The following NPAT variants were observed in gnomAD, a reference collection of about 807,000 sequenced individuals.
NPAT encodes the protein protein NPAT.
NPAT carries 52 observed loss-of-function variants against 130.7 expected under a neutral mutation model. The observed-to-expected ratio is 0.40, with a 90% confidence interval of 0.32 to 0.50. The LOEUF is 0.50. Ranked by LOEUF, NPAT falls within the 20% of genes least tolerant of loss-of-function variation. The probability of loss-of-function intolerance (pLI) is 0.68; values close to 1 mark genes in which losing one functional copy is unlikely to be tolerated. For missense variants in NPAT, 1,687 were observed against 1,662.6 expected, an observed-to-expected ratio of 1.01 and a Z score of -0.26; for synonymous variants, 580 against 584.8, an observed-to-expected ratio of 0.99 and a Z score of 0.12.
chr11:108,188,463 G>A (rs1430478519), intron 6 of NPAT, among the ~76,000 whole-genome samples: 1 of 152,210 alleles, frequency 6.6e-6, no homozygotes, highest in Non-Finnish European at 1.5e-5. Flanking sequence ...CATTCTGGGT[G>A]TAGAAAAGGA....
Position 108,172,584 on chromosome 11 carries a change from T to G in NPAT, c.2400A>C (p.Val800=), listed in dbSNP as rs764476963. The part of the protein sequence containing the change: ...LSSEETVGAV[V]YAEVGDSASM... ...AGGCTGAATCCCCTACTTCGGCATA[T>G]ACAACAGCACCTACAGTTTCTTCTG... Residue 800 remains valine, a synonymous_variant, in exon 13 of 18, where the codon GTA becomes GTC. Transcript: ENST00000278612. 9.3e-6 allele frequency: 15 copies of G among 1,614,110 alleles called. No individual in the cohort carries two copies.
chr11:108,201,511 C>T (rs1460349812), intron 1 of NPAT, among the ~76,000 whole-genome samples: 1 of 152,126 alleles, frequency 6.6e-6, no homozygotes, highest in Non-Finnish European at 1.5e-5. Flanking sequence ...AAAGGAATGG[C>T]CCAGGGAGTT....
Position 108,222,481 on chromosome 11 carries a change from ATCCCGCG to A in NPAT, c.37+12_37+18del. On this transcript the variant is annotated intron_variant, in intron 1 of 17. Transcript: ENST00000278612. ...GCATAGCCGGGTCCAATAACCCTCC[ATCCCGCG>A]TCCGCGCTTACCCAATACAAGCCGG... is the stretch of plus-strand genomic sequence containing the variant. 6 of 1,612,360 alleles carry A rather than the reference ATCCCGCG, an allele frequency of 3.7e-6. No homozygotes were observed. Among genetic ancestry groups the A allele is most frequent in the African/African-American group, 1.3e-5 (1 of 74,924 alleles).
chr11:108,190,407 T>C, intron 5 of NPAT, 53 bp downstream of exon 5: 2 of 1,351,936 alleles, frequency 1.5e-6, no homozygotes, highest in Admixed American at 3.4e-5. Flanking sequence ...AATGTTCATC[T>C]GATAGTTTAA....
chr11:108,222,244 G>A (rs1290885684), intron 1 of NPAT, among the ~76,000 whole-genome samples: 1 of 152,084 alleles, frequency 6.6e-6, no homozygotes, highest in African/African-American at 2.4e-5. Context: ...TTCCGAATCC[G>A]CCCCAGGTGT....
chr11:108,204,555 AAC>A (rs1565325857), intron 1 of NPAT, among the ~76,000 whole-genome samples: 2 of 152,020 alleles, frequency 1.3e-5, no homozygotes, highest in Non-Finnish European at 2.9e-5. Flanking sequence ...GAACCTGCCG[AAC>A]CTGCCGAACC....
intron 12 of NPAT, 132 bp downstream of exon 12, chr11:108,176,114 A>G (rs2078003177): frequency 1.4e-6 from 1 of 692,248 alleles, no homozygotes; most frequent in Admixed American, 2.8e-5. Context: ...TGTTTTTAAC[A>G]GAGAGAAAAA....
intron 7 of NPAT, 49 bp downstream of exon 7, chr11:108,188,049 T>TA: frequency 7.6e-7 from 1 of 1,316,082 alleles, no homozygotes; most frequent in Non-Finnish European, 1.1e-6. Flanking sequence ...ATTCTTTTTT[T>TA]TTTTTTTTAA....
intron 12 of NPAT, among the ~76,000 whole-genome samples, chr11:108,174,597 G>A (rs2077986505): frequency 1.4e-5 from 2 of 145,568 alleles, no homozygotes; most frequent in Non-Finnish European, 1.5e-5. Context: ...TATGATATGA[G>A]TAAGGAAAGA....
At chr11:108,217,375 T>A (rs746304181) in intron 1 of NPAT, among the ~76,000 whole-genome samples, 7 of 152,170 alleles carry the variant, frequency 4.6e-5, no homozygotes, top group Non-Finnish European at 7.3e-5. Context: ...TGTTTAATAT[T>A]AGAAGTGTTT....
chr11:108,211,493 T>C (rs1411472564), intron 1 of NPAT, among the ~76,000 whole-genome samples: 1 of 149,866 alleles, frequency 6.7e-6, no homozygotes, highest in African/African-American at 2.5e-5. Context: ...CAGTGAGCCA[T>C]GATTGGGCCA....
chr11:108,190,437 A>T, intron 5 of NPAT, 23 bp downstream of exon 5: 1 of 1,600,276 alleles, frequency 6.2e-7, no homozygotes, highest in Non-Finnish European at 8.6e-7. Context: ...AATTGTGAAC[A>T]TTGTTTAAAG....
At position 108,181,216 on chromosome 11, in the gene NPAT, C is replaced by A. The variant is rs532449518; in HGVS notation, c.906+4016G>T. On this transcript the variant is annotated intron_variant, in intron 10 of 17. Coordinates refer to ENST00000278612, the MANE Select transcript of NPAT (RefSeq NM_002519.3). ...TGGTGGCTCACACCTGTAATCCCAG[C>A]ACTTTGGGAGGCCGAGGCGGGCAGA... Among the ~76,000 whole-genome samples the A allele has an allele frequency of 1.2e-4, 18 of 152,320 alleles. No homozygotes were observed. The East Asian group carries it at 3.5e-3, about 29-fold the overall frequency.
chr11:108,216,095 C>A (rs868020529), intron 1 of NPAT, among the ~76,000 whole-genome samples: 3,288 of 152,248 alleles, frequency 0.022, 121 homozygotes, highest in African/African-American at 0.075. Context: ...TTTAAAACTT[C>A]TACAGACTAT....
At chr11:108,160,845 AG>A in intron 17 of NPAT, 34 bp downstream of exon 17, 1 of 1,575,416 alleles carries the variant, frequency 6.3e-7, no homozygotes, top group East Asian at 2.3e-5. Flanking sequence ...CGGAAAAAAA[AG>A]GTGTGGTTTT....
rs1263848823 is a variant in NPAT, at chr11:108,173,769, A to G, written c.1215T>C (p.His405=). The G allele has an allele frequency of 8.1e-6, 13 of 1,613,992 alleles. No homozygotes were observed. The Admixed American group carries it at 1.7e-4, about 21-fold the overall frequency. ...CCTGGTCTTCTTGTCTAAGCACATC[A>G]TGGTTGTTGCTATTCTTCAAAGCAT... is the stretch of plus-strand genomic sequence containing the variant. ...PLNALKNSNN[H]DVLRQEDQEN... is the part of the protein sequence containing the mutation. The change falls in exon 13 of 18, where the codon CAT becomes CAC. Residue 405 remains histidine (H), a synonymous_variant. Transcript: ENST00000278612.
intron 10 of NPAT, 71 bp from the exon 11 acceptor site, chr11:108,177,161 T>C: frequency 1.5e-6 from 1 of 673,566 alleles, no homozygotes. Context: ...TATATATATA[T>C]AAGACAGGGT....
At chr11:108,203,404 C>T (rs2134883308) in intron 1 of NPAT, among the ~76,000 whole-genome samples, 1 of 152,234 alleles carries the variant, frequency 6.6e-6, no homozygotes, top group Admixed American at 6.5e-5. Context: ...CTGGGAGTGA[C>T]CTTATACCAT....
intron 1 of NPAT, among the ~76,000 whole-genome samples, chr11:108,204,042 C>A (rs1199992243): frequency 6.6e-6 from 1 of 152,190 alleles, no homozygotes; most frequent in Admixed American, 6.5e-5. Flanking sequence ...TGAGAGAGAT[C>A]AGACTGCTGT....
Sources: gnomAD v4.1 joint callset for allele counts (sites outside exome capture counted in the v4.1 genomes callset) on GRCh38, gnomAD v4.1.1 for gene constraint, MANE v1.5 for transcripts, NCBI Gene and HGNC (gene_info 2026-07-23, HGNC 2026-07-21) for gene names.